TXNRD1: variants seen among roughly 807,000 people sequenced by gnomAD.
The protein encoded by TXNRD1 is thioredoxin reductase 1, cytoplasmic.
TXNRD1 carries 57 observed loss-of-function variants against 80.3 expected under a neutral mutation model. The ratio of observed to expected loss-of-function variants is 0.71; its 90% CI spans 0.57 to 0.89. The LOEUF is 0.89. Ranked by LOEUF, TXNRD1 falls within the 40% of genes least tolerant of loss-of-function variation. The pLI is 0.00. For synonymous variants in TXNRD1, 291 were observed against 285.2 expected (o/e 1.02, Z -0.20); for missense variants, 730 against 803.0 (o/e 0.91, Z 1.10).
chr12:104,254,644 A>ATATATATATATATATATATATATATATAT (rs1555207848), intron 2 of TXNRD1, among the ~76,000 whole-genome samples: 7 of 93,628 alleles, frequency 7.5e-5, no homozygotes, highest in Non-Finnish European at 1.3e-4. Context: ...AAAAAAAAAA[A>ATATATATATATATATATATATATATATAT]ATATATATAT....
chr12:104,303,499 C>G (rs2034727524), intron 4 of TXNRD1, among the ~76,000 whole-genome samples: 1 of 152,174 alleles, frequency 6.6e-6, no homozygotes, highest in Admixed American at 6.5e-5. Flanking sequence ...TAAAGTTGTC[C>G]AAAAGTGTTT....
chr12:104,303,172 G>A (rs986272060), intron 4 of TXNRD1, among the ~76,000 whole-genome samples: 2 of 152,164 alleles, frequency 1.3e-5, no homozygotes, highest in African/African-American at 4.8e-5. Context: ...GGGTTAGCAC[G>A]GATATTGGAG....
At chr12:104,237,603 C>T (rs570985446) in intron 1 of TXNRD1, among the ~76,000 whole-genome samples, 1 of 152,292 alleles carries the variant, frequency 6.6e-6, no homozygotes, top group South Asian at 2.1e-4. Context: ...GCCAGTAATA[C>T]AATTAAGAAA....
At chr12:104,298,568 A>G (rs187017873) in intron 4 of TXNRD1, among the ~76,000 whole-genome samples, 142 of 152,152 alleles carry the variant, frequency 9.3e-4, no homozygotes, top group African/African-American at 3.3e-3. Flanking sequence ...TACTAAAAAT[A>G]CAAAACTTAG....
intron 9 of TXNRD1, among the ~76,000 whole-genome samples, chr12:104,319,795 G>A (rs1425785836): frequency 6.6e-6 from 1 of 152,142 alleles, no homozygotes; most frequent in Non-Finnish European, 1.5e-5. Context: ...TTCAAACATT[G>A]GTCATCTTGC....
intron 7 of TXNRD1, among the ~76,000 whole-genome samples, chr12:104,316,531 G>A (rs914529695): frequency 7.2e-5 from 11 of 151,784 alleles, no homozygotes; most frequent in Non-Finnish European, 1.5e-4. Context: ...CTGGGATTAC[G>A]GGCGCCTGCC....
intron 4 of TXNRD1, among the ~76,000 whole-genome samples, chr12:104,307,198 T>G (rs1257544996): frequency 1.3e-5 from 2 of 152,192 alleles, no homozygotes; most frequent in African/African-American, 4.8e-5. Flanking sequence ...GATTAAAAAT[T>G]TATAGAGGTT....
At chr12:104,258,512 T>C (rs2033300608) in intron 3 of TXNRD1, among the ~76,000 whole-genome samples, 1 of 152,230 alleles carries the variant, frequency 6.6e-6, no homozygotes, top group Non-Finnish European at 1.5e-5. Context: ...TGAAAAGTGC[T>C]ACTGGGAAAT....
chr12:104,335,917 C>G (rs2036122664), intron 15 of TXNRD1, among the ~76,000 whole-genome samples: 1 of 152,064 alleles, frequency 6.6e-6, no homozygotes, highest in South Asian at 2.1e-4. Flanking sequence ...TTCTTGAATC[C>G]TCTGCAAAAA....
intron 16 of TXNRD1, among the ~76,000 whole-genome samples, chr12:104,341,232 T>C (rs951587168): frequency 6.6e-6 from 1 of 152,228 alleles, no homozygotes; most frequent in Non-Finnish European, 1.5e-5. Flanking sequence ...GGTCCTCTTA[T>C]GATGTTGAAG....
intron 1 of TXNRD1, among the ~76,000 whole-genome samples, chr12:104,232,331 G>A (rs1418696999): frequency 6.6e-6 from 1 of 152,258 alleles, no homozygotes; most frequent in Non-Finnish European, 1.5e-5. Context: ...GGGAGGCCGA[G>A]GTGGGCAGAT....
Position 104,318,824 on chromosome 12 carries a change from C to G in TXNRD1, c.731-89C>G, listed in dbSNP as rs568343515. On this transcript the variant is annotated intron_variant, in intron 7 of 16. Transcript: ENST00000525566. ...TCAGATTGCCTTTTAGAGCTCTGCTCCCTGTATTTCACTTGAGTGGTTATT... is the reference window on the plus strand; with the variant it reads ...TCAGATTGCCTTTTAGAGCTCTGCTGCCTGTATTTCACTTGAGTGGTTATT... The G allele has an allele frequency of 1.9e-4, 276 of 1,431,182 alleles. 3 individuals are homozygous for G. The South Asian group carries it at 3.4e-3, about 18-fold the overall frequency. The allele number at this position is 1,431,182 out of a possible 1,614,324, so 88.7% of individuals were successfully genotyped here.
At chr12:104,246,703 A>T (rs975921287) in intron 1 of TXNRD1, among the ~76,000 whole-genome samples, 1 of 151,438 alleles carries the variant, frequency 6.6e-6, no homozygotes, top group African/African-American at 2.4e-5. Context: ...TTGTATTTTT[A>T]GTAGAGACTG....
chr12:104,256,971 C>CTTTT (rs1437158062), intron 2 of TXNRD1, among the ~76,000 whole-genome samples: 6 of 89,904 alleles, frequency 6.7e-5, no homozygotes, highest in East Asian at 3.5e-4. Context: ...AATATATTTT[C>CTTTT]TTTTCTTTTT....
At chr12:104,284,894 G>A (rs1001620592) in intron 3 of TXNRD1, among the ~76,000 whole-genome samples, 3 of 152,132 alleles carry the variant, frequency 2.0e-5, no homozygotes, top group African/African-American at 7.2e-5. Context: ...GATTTGCTAC[G>A]GCCAGGCACA....
Position 104,304,281 on chromosome 12 carries a change from A to T in TXNRD1, c.415-7009A>T. On this transcript the variant is annotated intron_variant, in intron 4 of 16. Coordinates refer to ENST00000525566, the MANE Select transcript of TXNRD1 (RefSeq NM_001093771.3). ...AACTCAGATATGAACTTCTTTAATC[A>T]GTTAGCATTTTGTGACTTTCTGTTT... 3 of 1,614,050 alleles carry T rather than the reference A, an allele frequency of 1.9e-6. No individual in the cohort carries two copies. The South Asian group carries it at 3.3e-5, about 18-fold the overall frequency.
chr12:104,259,254 A>C (rs577075622), intron 3 of TXNRD1, among the ~76,000 whole-genome samples: 60 of 150,360 alleles, frequency 4.0e-4, no homozygotes, highest in African/African-American at 1.4e-3. Context: ...GGTGGTGTGC[A>C]CCTGTAGTCC....
At chr12:104,334,393 T>TG (rs1429405033) in intron 15 of TXNRD1, 61 bp downstream of exon 15, 6 of 1,090,528 alleles carry the variant, frequency 5.5e-6, no homozygotes, top group East Asian at 6.1e-5. Context: ...TTGTTGTTGT[T>TG]TTTTTTTTAG....
chr12:104,298,165 AGACTT>A (rs2034497222), intron 4 of TXNRD1, among the ~76,000 whole-genome samples: 1 of 152,226 alleles, frequency 6.6e-6, no homozygotes, highest in African/African-American at 2.4e-5. Context: ...TTTAGATACT[AGACTT>A]AAGAATCTGC....
Sources: allele counts gnomAD v4.1 joint callset (sites outside exome capture counted in the v4.1 genomes callset), GRCh38; gene constraint gnomAD v4.1.1; transcripts MANE v1.5; gene names NCBI Gene and HGNC (gene_info 2026-07-23, HGNC 2026-07-21).